SUGCT: variants seen among roughly 807,000 people sequenced by gnomAD.
SUGCT encodes succinyl-CoA:glutarate-CoA transferase.
Under a neutral mutation model 55.0 loss-of-function variants are expected in SUGCT, and 41 were observed. The ratio of observed to expected loss-of-function variants is 0.74; its 90% CI spans 0.58 to 0.97. SUGCT has a LOEUF of 0.97. SUGCT is among the 50% of genes least tolerant of loss of function. The pLI, the probability that SUGCT is intolerant of heterozygous loss-of-function variation, is 0.00. For missense variants in SUGCT, 568 were observed against 547.8 expected (o/e 1.04, Z -0.37); for synonymous variants, 187 against 200.4 (o/e 0.93, Z 0.56).
intron 12 of SUGCT, chr7:40,499,238 A>G: frequency 2.6e-6 from 1 of 390,146 alleles, no homozygotes; most frequent in Admixed American, 3.0e-5. Context: ...TAAAGTGAAA[A>G]GGGGTATGTC....
chr7:40,815,856 A>G (rs1489679684), intron 13 of SUGCT, among the ~76,000 whole-genome samples: 2 of 151,654 alleles, frequency 1.3e-5, no homozygotes, highest in African/African-American at 2.4e-5. Context: ...GAGCGGCAAG[A>G]GCTCTGCTGT....
At chr7:40,633,751 G>A (rs1390503046) in intron 12 of SUGCT, among the ~76,000 whole-genome samples, 1 of 152,128 alleles carries the variant, frequency 6.6e-6, no homozygotes. Flanking sequence ...CCTATGTGAG[G>A]AATACAATGT....
chr7:40,712,529 A>T (rs568817304), intron 12 of SUGCT, among the ~76,000 whole-genome samples: 1 of 152,368 alleles, frequency 6.6e-6, no homozygotes, highest in South Asian at 2.1e-4. Context: ...CTCTGTAGAG[A>T]AAAAGAGTTT....
At chr7:40,613,998 CAT>C (rs1798882992) in intron 12 of SUGCT, among the ~76,000 whole-genome samples, 1 of 152,144 alleles carries the variant, frequency 6.6e-6, no homozygotes, top group South Asian at 2.1e-4. Flanking sequence ...TTTCGAATGT[CAT>C]ATCTGTGCTA....
At chr7:40,658,274 A>G (rs763103719) in intron 12 of SUGCT, among the ~76,000 whole-genome samples, 1 of 152,174 alleles carries the variant, frequency 6.6e-6, no homozygotes, top group Non-Finnish European at 1.5e-5. Context: ...AGATAGAGGC[A>G]TGAAATGGTC....
chr7:40,617,013 A>G (rs77760892), intron 12 of SUGCT, among the ~76,000 whole-genome samples: 3,834 of 152,284 alleles, frequency 0.025, 157 homozygotes, highest in African/African-American at 0.089. Flanking sequence ...GACTTTTTTC[A>G]TACTGTGCCA....
At chr7:40,340,859 TCTTCA>T (rs1355297734) in intron 9 of SUGCT, among the ~76,000 whole-genome samples, 1 of 152,196 alleles carries the variant, frequency 6.6e-6, no homozygotes, top group Non-Finnish European at 1.5e-5. Context: ...CTCAATGAAT[TCTTCA>T]CTTTGGTCTT....
chr7:40,570,791 A>T (rs1039991045), intron 12 of SUGCT, among the ~76,000 whole-genome samples: 2 of 150,314 alleles, frequency 1.3e-5, no homozygotes, highest in Non-Finnish European at 3.0e-5. Flanking sequence ...CTAAACTAAG[A>T]GTAAAACAGC....
chr7:40,672,931 C>T (rs931383386), intron 12 of SUGCT, among the ~76,000 whole-genome samples: 1 of 152,106 alleles, frequency 6.6e-6, no homozygotes, highest in African/African-American at 2.4e-5. Context: ...CCACCACAAT[C>T]CCCCAAGCAG....
At chr7:40,557,278 T>C (rs1291840763) in intron 12 of SUGCT, among the ~76,000 whole-genome samples, 1 of 152,144 alleles carries the variant, frequency 6.6e-6, no homozygotes, top group African/African-American at 2.4e-5. Context: ...CCAAGAAAAC[T>C]GGATCTCCAC....
chr7:40,519,142 G>A (rs1793399454), intron 12 of SUGCT, among the ~76,000 whole-genome samples: 1 of 152,054 alleles, frequency 6.6e-6, no homozygotes, highest in South Asian at 2.1e-4. Flanking sequence ...GAAAACATCG[G>A]ACAAACAAAT....
rs1371032801 is a variant in SUGCT at position 40,316,797 on chromosome 7, T to C, written c.758T>C (p.Ile253Thr). ...TCTCACATAGCTGCAAATTATCTTA[T>C]TGGTCAAAAGGAAGCAAAACGTTGG... ...CLSHIAANYLIGQKEAKRWGT... is the reference protein window; with the variant it reads ...CLSHIAANYLTGQKEAKRWGT... Residue 253 changes from isoleucine to threonine, a missense_variant, in exon 9 of 14, where the codon ATT becomes ACT. Coordinates refer to ENST00000335693, the MANE Select transcript of SUGCT (RefSeq NM_001193313.2). 1 of 1,603,184 alleles carries C rather than the reference T, an allele frequency of 6.2e-7. No homozygotes were observed. Among genetic ancestry groups the C allele is most frequent in the Admixed American group, 1.7e-5 (1 of 58,850 alleles).
intron 13 of SUGCT, among the ~76,000 whole-genome samples, chr7:40,768,764 A>G (rs1562991528): frequency 6.6e-6 from 1 of 152,210 alleles, no homozygotes; most frequent in South Asian, 2.1e-4. Flanking sequence ...TTTATAAAAC[A>G]CTTAATTTGT....
chr7:40,898,483 G>GGGC, the SUGCT span, among the ~76,000 whole-genome samples: 12 of 108,370 alleles, frequency 1.1e-4, no homozygotes, highest in Non-Finnish European at 1.8e-4. Flanking sequence ...GGGAGGTCGG[G>GGGC]GGGGGGGGGG....
chr7:40,441,400 G>A (rs1272297571), intron 9 of SUGCT, among the ~76,000 whole-genome samples: 1 of 152,038 alleles, frequency 6.6e-6, no homozygotes, highest in African/African-American at 2.4e-5. Flanking sequence ...CAGAGTTTCA[G>A]TATGAAATTT....
chr7:40,333,314 G>T (rs990626967), intron 9 of SUGCT, among the ~76,000 whole-genome samples: 3 of 151,924 alleles, frequency 2.0e-5, no homozygotes, highest in Admixed American at 2.0e-4. Context: ...TGTGAATGAG[G>T]AAACACATGG....
the SUGCT span, among the ~76,000 whole-genome samples, chr7:40,982,062 C>T: frequency 6.6e-6 from 1 of 152,168 alleles, no homozygotes; most frequent in Non-Finnish European, 1.5e-5. Flanking sequence ...TTTATTAGTT[C>T]CTTCATCTAT....
chr7:41,007,999 C>T, the SUGCT span, among the ~76,000 whole-genome samples: 5,604 of 152,112 alleles, frequency 0.037, 349 homozygotes, highest in African/African-American at 0.13. Flanking sequence ...TAATTTAAAC[C>T]CTTAATTGCA....
intron 13 of SUGCT, among the ~76,000 whole-genome samples, chr7:40,841,668 T>G (rs1266613268): frequency 6.6e-6 from 1 of 152,214 alleles, no homozygotes; most frequent in Non-Finnish European, 1.5e-5. Context: ...ATACATTTCA[T>G]ATTTTTCATT....
Sources: allele counts gnomAD v4.1 joint callset (sites outside exome capture counted in the v4.1 genomes callset), GRCh38; gene constraint gnomAD v4.1.1; transcripts MANE v1.5; gene names NCBI Gene and HGNC (gene_info 2026-07-23, HGNC 2026-07-21).